Variants in MRPL33 observed in about 807,000 individuals in gnomAD.
The protein encoded by MRPL33 is mitochondrial ribosomal protein L33.
Under a neutral mutation model 10.1 loss-of-function variants are expected in MRPL33, and 5 were observed. The observed-to-expected ratio is 0.49, with a 90% CI of 0.26 to 1.04. MRPL33 has a LOEUF of 1.04. MRPL33 is among the 50% of genes least tolerant of loss of function. The pLI is 0.14. For missense variants in MRPL33, 79 were observed against 78.1 expected, an observed-to-expected ratio of 1.01 and a Z score of -0.04; for synonymous variants, 24 against 27.7, an observed-to-expected ratio of 0.87 and a Z score of 0.42.
chr2:27,772,550 T>C (rs1677073537), intron 1 of MRPL33, 124 bp from the exon 2 acceptor site: 16 of 724,054 alleles, frequency 2.2e-5, no homozygotes, highest in Non-Finnish European at 3.6e-5. Context: ...GAGTGACACC[T>C]CATGGCATAT....
chr2:27,772,627 ATTTATAT>A, intron 1 of MRPL33, 40 bp from the exon 2 acceptor site: 2 of 1,457,878 alleles, frequency 1.4e-6, no homozygotes, highest in Non-Finnish European at 1.9e-6. Context: ...AAGAGAATAC[ATTTATAT>A]TTTTATTTTC....
intron 2 of MRPL33, among the ~76,000 whole-genome samples, chr2:27,773,772 T>C (rs1306638770): frequency 2.0e-5 from 3 of 152,236 alleles, no homozygotes; most frequent in East Asian, 3.8e-4. Context: ...TGGTGTGTAA[T>C]ATAGTCTTAG....
rs185164549 is a variant in MRPL33 at position 27,773,636 on chromosome 2, G to A, written c.42-788G>A. ...TGTAGAGCTTTGTATTTCCCAGAGT[G>A]CCTTCCACAGAGTAAGTGCTTAATA... is the stretch of plus-strand genomic sequence containing the variant. On this transcript the variant is annotated intron_variant, in intron 2 of 3. Coordinates refer to ENST00000296102, the MANE Select transcript of MRPL33 (RefSeq NM_004891.4). Among the ~76,000 whole-genome samples the A allele has an allele frequency of 3.9e-5, 6 of 152,330 alleles. No homozygotes were observed. The East Asian group carries it at 1.2e-3, about 29-fold the overall frequency.
At chr2:27,776,213 C>T (rs752242257) in intron 3 of MRPL33, among the ~76,000 whole-genome samples, 38 of 152,236 alleles carry the variant, frequency 2.5e-4, no homozygotes, top group Admixed American at 1.4e-3. Context: ...TGATAAGGAA[C>T]GGTCTTAGCT....
intron 2 of MRPL33, among the ~76,000 whole-genome samples, chr2:27,773,324 A>G (rs1321396640): frequency 6.6e-6 from 1 of 152,206 alleles, no homozygotes; most frequent in African/African-American, 2.4e-5. Context: ...CCTTAAAGCT[A>G]GTCTTTTGGA....
At chr2:27,777,967 A>C (rs1340647983) in intron 3 of MRPL33, among the ~76,000 whole-genome samples, 1 of 152,206 alleles carries the variant, frequency 6.6e-6, no homozygotes, top group Non-Finnish European at 1.5e-5. Context: ...CCATCTTGTA[A>C]TGCATTAATG....
chr2:27,774,629 G>C, intron 3 of MRPL33, 99 bp downstream of exon 3: 3 of 854,420 alleles, frequency 3.5e-6, no homozygotes, highest in Middle Eastern at 5.2e-4. Context: ...TCTGACACTA[G>C]CATTCATTTA....
chr2:27,778,492 C>G (rs569682524), intron 3 of MRPL33, among the ~76,000 whole-genome samples: 9 of 150,972 alleles, frequency 6.0e-5, no homozygotes, highest in Admixed American at 5.9e-4. Flanking sequence ...GGAAGTTAAT[C>G]GAGTGCCATA....
At chr2:27,778,869 A>G (rs1348907758) in intron 3 of MRPL33, among the ~76,000 whole-genome samples, 1 of 152,174 alleles carries the variant, frequency 6.6e-6, no homozygotes, top group Non-Finnish European at 1.5e-5. Context: ...TCAGTGTTTC[A>G]TCCAGGCCGG....
chr2:27,772,824 C>T, intron 2 of MRPL33, 132 bp downstream of exon 2: 4 of 680,194 alleles, frequency 5.9e-6, no homozygotes, highest in Non-Finnish European at 7.3e-6. Context: ...TTGTGGATTA[C>T]TTAGTTGATT....
intron 2 of MRPL33, among the ~76,000 whole-genome samples, chr2:27,773,265 TAGGG>T (rs1448967272): frequency 6.6e-6 from 1 of 152,210 alleles, no homozygotes; most frequent in African/African-American, 2.4e-5. Flanking sequence ...GTGGTAAAAA[TAGGG>T]AGGTTCTAAA....
intron 3 of MRPL33, among the ~76,000 whole-genome samples, chr2:27,777,690 A>G (rs993844491): frequency 4.6e-5 from 7 of 152,296 alleles, no homozygotes; most frequent in African/African-American, 1.7e-4. Flanking sequence ...GCACAGTTCT[A>G]TGGACTTAAA....
intron 2 of MRPL33, 81 bp downstream of exon 2, chr2:27,772,773 T>C: frequency 3.5e-6 from 4 of 1,151,314 alleles, no homozygotes; most frequent in Non-Finnish European, 5.0e-6. Context: ...TACATCCTTA[T>C]ATGAAATTAA....
intron 2 of MRPL33, among the ~76,000 whole-genome samples, chr2:27,774,075 A>C (rs753475444): frequency 6.6e-6 from 1 of 152,216 alleles, no homozygotes; most frequent in Admixed American, 6.5e-5. Context: ...CAATTTCCTC[A>C]CTAGCCAGCT....
At chr2:27,774,206 C>T (rs1363399376) in intron 2 of MRPL33, among the ~76,000 whole-genome samples, 1 of 152,106 alleles carries the variant, frequency 6.6e-6, no homozygotes, top group African/African-American at 2.4e-5. Flanking sequence ...TAGGTCATTG[C>T]GAAGTAACTC....
At chr2:27,772,532 AGT>A in intron 1 of MRPL33, 140 bp from the exon 2 acceptor site, 1 of 630,992 alleles carries the variant, frequency 1.6e-6, no homozygotes, top group Non-Finnish European at 2.7e-6. Flanking sequence ...GATAGGGAAT[AGT>A]TACTTGAGTG....
chr2:27,771,851 G>C, intron 1 of MRPL33, 52 bp downstream of exon 1: 1 of 1,569,542 alleles, frequency 6.4e-7, no homozygotes, highest in Non-Finnish European at 8.7e-7. Context: ...TTAGGGGGCC[G>C]TGACAGGCAG....
rs1342956719 is a variant in MRPL33, at chr2:27,772,662, T to C, written c.23-12T>C. The C allele has an allele frequency of 1.3e-6, 2 of 1,592,728 alleles. No individual in the cohort carries two copies. Among genetic ancestry groups the C allele is most frequent in the South Asian group, 2.3e-5 (2 of 88,758 alleles). On this transcript the variant is annotated splice_polypyrimidine_tract_variant and intron_variant, in intron 1 of 3. Transcript: ENST00000296102. Reference sequence around the variant, plus strand: ...TTATTTTCTTTTCCAACCCTTCCTGTCTACAAAAAAGTTGCCAAGAGCAAG... The same window carrying C: ...TTATTTTCTTTTCCAACCCTTCCTGCCTACAAAAAAGTTGCCAAGAGCAAG...
chr2:27,772,749 C>G (rs1677077929), intron 2 of MRPL33, 57 bp downstream of exon 2: 9 of 1,377,532 alleles, frequency 6.5e-6, no homozygotes, highest in Middle Eastern at 1.8e-4. Context: ...ATTTGTTAGT[C>G]TAGCTGCTCC....
Sources: allele counts gnomAD v4.1 joint callset (sites outside exome capture counted in the v4.1 genomes callset), GRCh38; gene constraint gnomAD v4.1.1; transcripts MANE v1.5; gene names NCBI Gene and HGNC (gene_info 2026-07-23, HGNC 2026-07-21).